The following APC variants were observed in gnomAD, a reference collection of about 807,000 sequenced individuals.
APC encodes the protein APC regulator of Wnt signaling pathway, also known as adenomatous polyposis coli protein.
Under a neutral mutation model 247.0 loss-of-function variants are expected in APC, and 72 were observed. The observed-to-expected ratio is 0.29, with a 90% CI of 0.24 to 0.35. The LOEUF (loss-of-function observed/expected upper bound fraction) is 0.35, where lower values mean the gene tolerates loss of function less well. APC is among the 10% of genes least tolerant of loss of function. The probability of loss-of-function intolerance (pLI) is 1.00; values close to 1 mark genes in which losing one functional copy is unlikely to be tolerated. For missense variants in APC, 3,400 were observed against 3,360.7 expected (o/e 1.01, Z -0.29); for synonymous variants, 1,254 against 1,162.5 (o/e 1.08, Z -1.60).
chr5:112,762,629 T>G (rs771484669), intron 2 of APC, among the ~76,000 whole-genome samples: 8 of 152,168 alleles, frequency 5.3e-5, no homozygotes, highest in Non-Finnish European at 1.2e-4. Flanking sequence ...TATATGAAGG[T>G]CAAGAGCATG....
At chr5:112,752,965 A>G (rs1411024977) in intron 1 of APC, among the ~76,000 whole-genome samples, 2 of 152,110 alleles carry the variant, frequency 1.3e-5, no homozygotes, top group African/African-American at 4.8e-5. Context: ...CATCTTGCCC[A>G]TCCGGCTCTT....
upstream of APC, among the ~76,000 whole-genome samples, chr5:112,734,384 CT>C (rs1752258971): frequency 6.6e-6 from 1 of 152,196 alleles, no homozygotes; most frequent in African/African-American, 2.4e-5. Flanking sequence ...CTTATCTCTT[CT>C]TAGGCTTTTC....
chr5:112,758,746 G>A (rs897488568), intron 2 of APC, among the ~76,000 whole-genome samples: 7 of 152,004 alleles, frequency 4.6e-5, no homozygotes, highest in Non-Finnish European at 1.0e-4. Context: ...TGGGATTACA[G>A]GTCCCTACCG....
intron 1 of APC, among the ~76,000 whole-genome samples, chr5:112,717,119 T>C (rs1382871052): frequency 6.6e-6 from 1 of 152,130 alleles, no homozygotes; most frequent in East Asian, 1.9e-4. Flanking sequence ...AAAGCAATTC[T>C]CGTGCCTCAG....
rs864622442 is a variant in APC, at chr5:112,767,396, T to C, written c.422+6T>C. 1 of 1,607,138 alleles carries C rather than the reference T, an allele frequency of 6.2e-7. No homozygotes were observed. Among genetic ancestry groups the C allele is most frequent in the Non-Finnish European group, 8.5e-7 (1 of 1,173,760 alleles). ...GAAGAACTTGAGAAAGAGAGGTAAC[T>C]TTTCTTCATATAGTAAACATTGCCT... On this transcript the variant is annotated splice_donor_region_variant and intron_variant, in intron 4 of 15. Transcript: ENST00000257430.
intron 1 of APC, among the ~76,000 whole-genome samples, chr5:112,722,420 G>C (rs868154382): frequency 6.6e-6 from 1 of 152,176 alleles, no homozygotes; most frequent in African/African-American, 2.4e-5. Flanking sequence ...AGACACCTGT[G>C]ACCAAAGACG....
intron 7 of APC, among the ~76,000 whole-genome samples, chr5:112,796,073 T>G (rs551002773): frequency 6.6e-6 from 1 of 152,224 alleles, no homozygotes; most frequent in African/African-American, 2.4e-5. Flanking sequence ...ATCAGTCATA[T>G]GTACCCAGAA....
chr5:112,797,707 AC>A (rs1014883891), intron 7 of APC, among the ~76,000 whole-genome samples: 1 of 152,226 alleles, frequency 6.6e-6, no homozygotes, highest in Non-Finnish European at 1.5e-5. Flanking sequence ...AAGAATACTT[AC>A]TAAAGTCACA....
At chr5:112,766,816 T>C (rs917118734) in intron 3 of APC, among the ~76,000 whole-genome samples, 3 of 152,218 alleles carry the variant, frequency 2.0e-5, no homozygotes, top group East Asian at 1.9e-4. Flanking sequence ...ATAAGTTGAT[T>C]ATAATTCATT....
intron 6 of APC, among the ~76,000 whole-genome samples, chr5:112,781,676 A>AT (rs1758361828): frequency 1.3e-5 from 2 of 152,208 alleles, no homozygotes; most frequent in South Asian, 4.1e-4. Context: ...AAACATATTA[A>AT]ATAGTTTTAA....
chr5:112,827,109 G>T lies in APC; in HGVS notation c.1410G>T (p.Gly470=), dbSNP rs891419866. The change falls in exon 12 of 16, where the codon GGG becomes GGT. Residue 470 remains glycine, a splice_region_variant and synonymous_variant. Coordinates refer to ENST00000257430, the MANE Select transcript of APC (RefSeq NM_000038.6). ...TTCCTCTTGCCCTTTTTAAATTAGGGGGACTACAGGCCATTGCAGAATTAT... is the reference window on the plus strand; with the variant it reads ...TTCCTCTTGCCCTTTTTAAATTAGGTGGACTACAGGCCATTGCAGAATTAT... ...EEHRHAMNEL[G]GLQAIAELLQ... 1 of 1,613,370 alleles carries T rather than the reference G, an allele frequency of 6.2e-7. No individual in the cohort carries two copies.
intron 8 of APC, among the ~76,000 whole-genome samples, chr5:112,809,881 C>G (rs1247952832): frequency 6.6e-6 from 1 of 152,112 alleles, no homozygotes; most frequent in Non-Finnish European, 1.5e-5. Flanking sequence ...CCTGTAATCC[C>G]AGCTACTCGG....
Position 112,840,368 on chromosome 5 carries a change from A to G in APC, c.4774A>G (p.Lys1592Glu), listed in dbSNP as rs769714243. The change falls in exon 16 of 16, where the codon AAA (lysine) becomes GAA (glutamate). Residue 1592 changes from lysine to glutamate, a missense_variant. By Grantham distance (56) the Lys-to-Glu change is moderately conservative. Coordinates refer to ENST00000257430, the MANE Select transcript of APC (RefSeq NM_000038.6). This position sits in a 1 kb window ranked among gnomAD's most constrained non-coding sequence, Gnocchi z 4.1. ...GCCAACAAAGTCATCACGTAAAGCA[A>G]AAAAGCCAGCCCAGACTGCTTCAAA... Reference protein sequence around the residue: ...AMPTKSSRKAKKPAQTASKLP... With the variant: ...AMPTKSSRKAEKPAQTASKLP... 1 of 1,614,236 alleles carries G rather than the reference A, an allele frequency of 6.2e-7. No individual in the cohort carries two copies.
intron 1 of APC, among the ~76,000 whole-genome samples, chr5:112,714,312 C>G (rs764833203): frequency 2.0e-5 from 3 of 152,210 alleles, no homozygotes; most frequent in Non-Finnish European, 4.4e-5. Flanking sequence ...ATTGTCCTTT[C>G]AAAAATACCA....
Position 112,841,711 on chromosome 5 carries a change from G to A in APC, c.6117G>A (p.Leu2039=), listed in dbSNP as rs372418435. The A allele has an allele frequency of 3.1e-6, 5 of 1,613,816 alleles. No homozygotes were observed. Among genetic ancestry groups the A allele is most frequent in the Non-Finnish European group, 4.2e-6 (5 of 1,179,756 alleles). The part of the protein sequence containing the change: ...SLSIDSEDDL[L]QECISSAMPK... ...GTATTGACTCTGAAGATGACCTGTTGCAGGAATGTATAAGCTCCGCAATGC... is the reference window on the plus strand; with the variant it reads ...GTATTGACTCTGAAGATGACCTGTTACAGGAATGTATAAGCTCCGCAATGC... Residue 2039 remains leucine, a synonymous_variant, in exon 16 of 16, where the codon TTG becomes TTA. Coordinates refer to ENST00000257430, the MANE Select transcript of APC (RefSeq NM_000038.6). The surrounding 1 kb of genome is among the most constrained non-coding windows in gnomAD (Gnocchi z 4.6).
rs35554771 is a variant in APC, at chr5:112,774,464, AT to A, written c.423-1145del. Among the ~76,000 whole-genome samples, 839 of 121,252 alleles carry A rather than the reference AT, an allele frequency of 6.9e-3. 4 individuals are homozygous for A. The highest frequency in any genetic ancestry group is 0.015 in the Middle Eastern group (3 of 200). The allele number at this position is 121,252 out of a possible 152,430, so 79.5% of individuals were successfully genotyped here. A position where few individuals can be genotyped will look rare whatever the true frequency, so the allele number is the denominator to read the frequency against. The stretch of plus-strand genomic sequence containing the variant: ...TGCCTATTTGTGTTCTGCAAGATCG[AT>A]TTTTTTTTTTTTTTTTTTTGGAAAG... On this transcript the variant is annotated intron_variant, in intron 4 of 15. Coordinates refer to ENST00000257430, the MANE Select transcript of APC (RefSeq NM_000038.6).
Position 112,833,172 on chromosome 5 carries a change from C to G in APC, c.1744-1779C>G, listed in dbSNP as rs1340467644. On this transcript the variant is annotated intron_variant, in intron 14 of 15. Coordinates refer to ENST00000257430, the MANE Select transcript of APC (RefSeq NM_000038.6). The stretch of plus-strand genomic sequence containing the variant: ...GGACCTATAGGTGTGCACCACCATG[C>G]CTGGCTAATTTTTTTTTTTTTTTTT... 2.7e-5 allele frequency among the ~76,000 whole-genome samples: 4 copies of G among 146,594 alleles called. No homozygotes were observed. The East Asian group carries it at 8.4e-4, about 31-fold the overall frequency.
chr5:112,839,641 C>G lies in APC; in HGVS notation c.4047C>G (p.His1349Gln), dbSNP rs1561589419. Residue 1349 changes from histidine to glutamine, a missense_variant, in exon 16 of 16, where the codon CAC (histidine) becomes CAG (glutamine). Coordinates refer to ENST00000257430, the MANE Select transcript of APC (RefSeq NM_000038.6). The surrounding 1 kb of genome is among the most constrained non-coding windows in gnomAD (Gnocchi z 5.0). ...GTTTATCTTCAGAATCAGCCAGGCA[C>G]AAAGCTGTTGAATTTTCTTCAGGAG... is the stretch of plus-strand genomic sequence containing the variant. Reference protein sequence around the residue: ...GSSLSSESARHKAVEFSSGAK... With the variant: ...GSSLSSESARQKAVEFSSGAK... 6.2e-7 allele frequency: 1 copy of G among 1,614,146 alleles called. No homozygotes were observed. The highest frequency in any genetic ancestry group is 8.5e-7 in the Non-Finnish European group (1 of 1,180,016).
At chr5:112,833,960 T>C (rs1764582321) in intron 14 of APC, among the ~76,000 whole-genome samples, 2 of 152,080 alleles carry the variant, frequency 1.3e-5, no homozygotes, top group Admixed American at 6.6e-5. Flanking sequence ...AAATCTACTT[T>C]CTTTTTTTTT....
Sources: gnomAD v4.1 joint callset for allele counts (sites outside exome capture counted in the v4.1 genomes callset) on GRCh38, gnomAD v4.1.1 for gene constraint, Gnocchi (gnomAD v3.1) non-coding constraint, MANE v1.5 for transcripts, NCBI Gene and HGNC (gene_info 2026-07-23, HGNC 2026-07-21) for gene names.